PHF20L1: variants seen among roughly 807,000 people sequenced by gnomAD.
PHF20L1 encodes the protein PHD finger protein 20 like 1.
Under a neutral mutation model 125.5 loss-of-function variants are expected in PHF20L1, and 44 were observed. The ratio of observed to expected loss-of-function variants is 0.35; its 90% CI spans 0.28 to 0.45. PHF20L1 has a LOEUF of 0.45. PHF20L1 is among the 20% of genes least tolerant of loss of function. The probability of loss-of-function intolerance (pLI) is 1.00; values close to 1 mark genes in which losing one functional copy is unlikely to be tolerated. For missense variants in PHF20L1, 1,012 were observed against 1,217.2 expected, an observed-to-expected ratio of 0.83 and a Z score of 2.51; for synonymous variants, 380 against 403.1, an observed-to-expected ratio of 0.94 and a Z score of 0.69.
Position 132,803,905 on chromosome 8 carries a change from T to C in PHF20L1, c.594T>C (p.Asn198=), listed in dbSNP as rs764718880. The C allele has an allele frequency of 6.2e-7, 1 of 1,611,084 alleles. No homozygotes were observed. Among genetic ancestry groups the C allele is most frequent in the Admixed American group, 1.7e-5 (1 of 59,810 alleles). Residue 198 remains asparagine, a synonymous_variant, in exon 7 of 21, where the codon AAT becomes AAC. Coordinates refer to ENST00000395386, the MANE Select transcript of PHF20L1 (RefSeq NM_016018.5). Reference sequence around the variant, plus strand: ...AACCTCGAACCAGCGCTAACAGCAATAAAGATAAGGATAAAGATGAGAGAA... The same window carrying C: ...AACCTCGAACCAGCGCTAACAGCAACAAAGATAAGGATAAAGATGAGAGAA... ...GSKPRTSANS[N]KDKDKDERKW... is the part of the protein sequence containing the mutation.
intron 15 of PHF20L1, among the ~76,000 whole-genome samples, chr8:132,835,458 C>G (rs1837251471): frequency 6.6e-6 from 1 of 152,072 alleles, no homozygotes; most frequent in Admixed American, 6.6e-5. Flanking sequence ...TCATCATTTA[C>G]TTTCCATTGT....
chr8:132,830,081 T>C (rs1836598105), intron 14 of PHF20L1, among the ~76,000 whole-genome samples: 1 of 152,058 alleles, frequency 6.6e-6, no homozygotes, highest in African/African-American at 2.4e-5. Context: ...CTCTCTAGGT[T>C]AAAACCAAGG....
intron 14 of PHF20L1, among the ~76,000 whole-genome samples, chr8:132,828,264 T>C (rs1246028125): frequency 1.3e-5 from 2 of 152,020 alleles, no homozygotes; most frequent in East Asian, 3.9e-4. Flanking sequence ...TATTATTACT[T>C]CATTTAATCC....
At chr8:132,776,429 G>T (rs574211168) in intron 1 of PHF20L1, among the ~76,000 whole-genome samples, 10 of 152,120 alleles carry the variant, frequency 6.6e-5, no homozygotes, top group Non-Finnish European at 1.0e-4. Context: ...TACGTGTTGC[G>T]CACTGACAAG....
intron 15 of PHF20L1, among the ~76,000 whole-genome samples, chr8:132,834,393 G>T (rs1318809115): frequency 6.6e-6 from 1 of 151,904 alleles, no homozygotes; most frequent in Non-Finnish European, 1.5e-5. Context: ...TGAAATACTG[G>T]TGTGATCGTA....
rs1838455703 is a variant in PHF20L1 at position 132,846,872 on chromosome 8, G to A, written c.*949G>A. ...TGTAAATAACCTCAGCTGGGATGAG[G>A]AGTGACAGAATATCAAAATAATTTG... is the stretch of plus-strand genomic sequence containing the variant. On this transcript the variant is annotated 3_prime_UTR_variant, in exon 21 of 21. Coordinates refer to ENST00000395386, the MANE Select transcript of PHF20L1 (RefSeq NM_016018.5). The A allele has an allele frequency of 6.6e-6, 1 of 152,458 alleles. No individual in the cohort carries two copies. The highest frequency in any genetic ancestry group is 2.4e-5 in the African/African-American group (1 of 41,396). 9.4% of individuals were successfully genotyped at this position (152,458 alleles called of 1,614,324 possible).
intron 2 of PHF20L1, among the ~76,000 whole-genome samples, chr8:132,789,695 C>G (rs1183471230): frequency 1.3e-5 from 2 of 152,052 alleles, no homozygotes; most frequent in Non-Finnish European, 2.9e-5. Flanking sequence ...AAGATAGGCT[C>G]AGCGGTGGAG....
At chr8:132,845,142 C>T (rs1229822060) in intron 20 of PHF20L1, among the ~76,000 whole-genome samples, 1 of 151,980 alleles carries the variant, frequency 6.6e-6, no homozygotes, top group African/African-American at 2.4e-5. Flanking sequence ...AAAGAAAATG[C>T]ATCTTGATAC....
intron 4 of PHF20L1, among the ~76,000 whole-genome samples, chr8:132,795,193 C>A (rs1432259131): frequency 6.6e-6 from 1 of 152,054 alleles, no homozygotes; most frequent in Non-Finnish European, 1.5e-5. Context: ...CAAATCAGTT[C>A]AATTCACAAG....
chr8:132,794,554 A>C lies in PHF20L1; in HGVS notation c.228A>C (p.Glu76Asp), dbSNP rs1172771172. The C allele has an allele frequency of 6.2e-7, 1 of 1,610,636 alleles. No homozygotes were observed. Among genetic ancestry groups the C allele is most frequent in the South Asian group, 1.1e-5 (1 of 90,484 alleles). Residue 76 changes from glutamate to aspartate, a missense_variant, in exon 3 of 21, where the codon GAA becomes GAC. By Grantham distance (45) the Glu-to-Asp change is conservative. Transcript: ENST00000395386. ...RPLERPALRKEGLKDEEDFFD... is the reference protein window; with the variant it reads ...RPLERPALRKDGLKDEEDFFD... The stretch of plus-strand genomic sequence containing the variant: ...TTGAGAGACCAGCACTAAGAAAAGA[A>C]GGGCTAAAAGATGAGGAAGATTTCT...
chr8:132,818,244 A>G (rs930581540), intron 12 of PHF20L1: 21 of 151,930 alleles, frequency 1.4e-4, no homozygotes, highest in African/African-American at 4.8e-4. Flanking sequence ...CACATAAAAT[A>G]AAAAGGCCAA....
At chr8:132,820,551 A>G (rs1051859572) in intron 12 of PHF20L1, among the ~76,000 whole-genome samples, 1 of 151,934 alleles carries the variant, frequency 6.6e-6, no homozygotes, top group Non-Finnish European at 1.5e-5. Flanking sequence ...AAAGGAACAA[A>G]AGATTGCCCC....
At chr8:132,799,276 C>A in intron 6 of PHF20L1, 104 bp downstream of exon 6, 3 of 626,626 alleles carry the variant, frequency 4.8e-6, no homozygotes, top group South Asian at 2.2e-5. Context: ...GAGTTCTTAT[C>A]TTCTTCTTTC....
chr8:132,803,384 T>C (rs1833314169), intron 6 of PHF20L1, among the ~76,000 whole-genome samples: 1 of 151,962 alleles, frequency 6.6e-6, no homozygotes, highest in African/African-American at 2.4e-5. Flanking sequence ...TAGGTGGGAA[T>C]ACACTATTTT....
chr8:132,813,414 A>G (rs919288967), intron 9 of PHF20L1, among the ~76,000 whole-genome samples: 14 of 151,974 alleles, frequency 9.2e-5, no homozygotes, highest in Non-Finnish European at 2.9e-5. Context: ...AAGGTGCCCT[A>G]CTTAATACCA....
intron 16 of PHF20L1, 152 bp downstream of exon 16, chr8:132,836,873 G>T: frequency 1.6e-6 from 1 of 615,072 alleles, no homozygotes; most frequent in East Asian, 2.8e-5. Context: ...ATGATTAGGA[G>T]ATTTCCTCAT....
chr8:132,801,468 T>TTGAAATATTAATGCAAAAA (rs1833037211), intron 6 of PHF20L1, among the ~76,000 whole-genome samples: 1 of 151,742 alleles, frequency 6.6e-6, no homozygotes, highest in South Asian at 2.1e-4. Flanking sequence ...CAGTGCCCTT[T>TTGAAATATTAATGCAAAAA]TTAATGCAAT....
At chr8:132,844,002 T>C in intron 19 of PHF20L1, 154 bp from the exon 20 acceptor site, 1 of 985,280 alleles carries the variant, frequency 1.0e-6, no homozygotes, top group African/African-American at 1.7e-5. Flanking sequence ...AGCTGGAATT[T>C]GGTTATGTAG....
intron 13 of PHF20L1, 113 bp downstream of exon 13, chr8:132,824,173 A>G: frequency 1.5e-6 from 1 of 648,250 alleles, no homozygotes; most frequent in Non-Finnish European, 2.7e-6. Flanking sequence ...GTAAGTGATC[A>G]TCTGTTTTAG....
Sources: allele counts gnomAD v4.1 joint callset (sites outside exome capture counted in the v4.1 genomes callset), GRCh38; gene constraint gnomAD v4.1.1; transcripts MANE v1.5; gene names NCBI Gene and HGNC (gene_info 2026-07-23, HGNC 2026-07-21).